SFRP1: variants seen among roughly 807,000 people sequenced by gnomAD.
SFRP1 encodes secreted frizzled-related protein 1.
Under a neutral mutation model 25.9 loss-of-function variants are expected in SFRP1, and 9 were observed. The ratio of observed to expected loss-of-function variants is 0.35; its 90% confidence interval spans 0.21 to 0.61. The LOEUF (loss-of-function observed/expected upper bound fraction) is 0.61. Among genes scored for constraint, SFRP1 ranks in the 20% least tolerant of loss-of-function variants. The pLI, the probability that SFRP1 is intolerant of heterozygous loss-of-function variation, is 0.78. For synonymous variants in SFRP1, 178 were observed against 174.0 expected (o/e 1.02, Z -0.18); for missense variants, 346 against 418.2 (o/e 0.83, Z 1.51).
intron 2 of SFRP1, among the ~76,000 whole-genome samples, chr8:41,300,812 C>T (rs1283467520): frequency 6.6e-6 from 1 of 152,226 alleles, no homozygotes; most frequent in Non-Finnish European, 1.5e-5. Flanking sequence ...AGCAGGCAGG[C>T]TGGTCGCCAT....
chr8:41,287,968 T>C (rs2117501801), intron 2 of SFRP1, among the ~76,000 whole-genome samples: 1 of 152,126 alleles, frequency 6.6e-6, no homozygotes, highest in Middle Eastern at 3.4e-3. Context: ...ATGCTGGACA[T>C]GGCAGCTCAT....
intron 1 of SFRP1, among the ~76,000 whole-genome samples, chr8:41,305,730 G>A (rs1803987445): frequency 1.3e-5 from 2 of 152,216 alleles, no homozygotes; most frequent in South Asian, 2.1e-4. Flanking sequence ...GTGTGTGGAG[G>A]AGACAGCCCA....
At chr8:41,274,333 T>C (rs1477665310) in intron 2 of SFRP1, among the ~76,000 whole-genome samples, 1 of 152,204 alleles carries the variant, frequency 6.6e-6, no homozygotes, top group Non-Finnish European at 1.5e-5. Context: ...AGCTTGGGGC[T>C]GAATTCATAA....
rs1803406808 is a variant in SFRP1 at position 41,264,193 on chromosome 8, G to A, written c.*974C>T. 1 of 152,166 alleles carries A rather than the reference G, an allele frequency of 6.6e-6. No individual in the cohort carries two copies. The highest frequency in any genetic ancestry group is 1.5e-5 in the Non-Finnish European group (1 of 68,040). The allele number at this position is 152,166 out of a possible 1,614,324, so 9.4% of individuals were successfully genotyped here. ...TTTTAAAACCTTGAAAAATAAGTGGGTGTTTGTCATTGTTCTTTTAAAAAT... is the reference window on the plus strand; with the variant it reads ...TTTTAAAACCTTGAAAAATAAGTGGATGTTTGTCATTGTTCTTTTAAAAAT... On this transcript the variant is annotated 3_prime_UTR_variant, in exon 3 of 3. Transcript: ENST00000220772.
At chr8:41,287,189 C>T (rs1256445705) in intron 2 of SFRP1, among the ~76,000 whole-genome samples, 1 of 152,192 alleles carries the variant, frequency 6.6e-6, no homozygotes, top group Non-Finnish European at 1.5e-5. Context: ...TTCCTGACAC[C>T]TGCAGTCCTA....
chr8:41,296,403 T>C lies in SFRP1; in HGVS notation c.622+7058A>G, dbSNP rs1022111611. ...AAACAAAGATTTCAAGCACAATCTA[T>C]AGGCCTTTGAGAAGCCTTCCAAAGC... On this transcript the variant is annotated intron_variant, in intron 2 of 2. Transcript: ENST00000220772. Among the ~76,000 whole-genome samples the C allele has an allele frequency of 2.6e-5, 4 of 151,974 alleles. No individual in the cohort carries two copies. In the East Asian group the frequency reaches 5.8e-4, roughly 22 times the overall value.
At chr8:41,269,330 G>A (rs928129099) in intron 2 of SFRP1, among the ~76,000 whole-genome samples, 1 of 152,042 alleles carries the variant, frequency 6.6e-6, no homozygotes, top group African/African-American at 2.4e-5. Context: ...CTCCCACCTA[G>A]GCATAGCTGC....
chr8:41,283,313 G>A (rs1285450370), intron 2 of SFRP1, among the ~76,000 whole-genome samples: 1 of 152,142 alleles, frequency 6.6e-6, no homozygotes, highest in African/African-American at 2.4e-5. Context: ...ATGGGAGTAG[G>A]ATGATCTTTA....
At position 41,265,136 on chromosome 8, in the gene SFRP1, A is replaced by T. The variant is rs1427017845; in HGVS notation, c.*31T>A. The stretch of plus-strand genomic sequence containing the variant: ...GTCCCCCCCGCTCCCACCCCACCCG[A>T]GGCTCCCTCCCCACCCTGCCCCCGG... On this transcript the variant is annotated 3_prime_UTR_variant, in exon 3 of 3. Transcript: ENST00000220772. 2.1e-5 allele frequency: 3 copies of T among 143,612 alleles called. No homozygotes were observed. The East Asian group carries it at 5.6e-4, about 27-fold the overall frequency. 8.9% of individuals were successfully genotyped at this position (143,612 alleles called of 1,614,324 possible).
intron 2 of SFRP1, among the ~76,000 whole-genome samples, chr8:41,285,812 G>A (rs11786592): frequency 0.3 from 45,670 of 152,066 alleles, 7,458 homozygotes; most frequent in Middle Eastern, 0.39. Flanking sequence ...CGAGCGGGAT[G>A]GAGGCTCCAC....
At position 41,297,629 on chromosome 8, in the gene SFRP1, G is replaced by A. The variant is rs146419067; in HGVS notation, c.622+5832C>T. Among the ~76,000 whole-genome samples, 271 of 152,126 alleles carry A rather than the reference G, an allele frequency of 1.8e-3. 4 individuals carry two copies. The highest frequency in any genetic ancestry group is 6.0e-3 in the African/African-American group (249 of 41,490). On this transcript the variant is annotated intron_variant, in intron 2 of 2. Transcript: ENST00000220772. ...AATCCAATTCTCCCAACACAGTCAC[G>A]TAGGAATTCTCATCCATAGTTTGCT...
intron 2 of SFRP1, among the ~76,000 whole-genome samples, chr8:41,301,997 TC>T (rs1373492241): frequency 6.6e-6 from 1 of 152,254 alleles, no homozygotes; most frequent in East Asian, 1.9e-4. Flanking sequence ...GCTTGCCTCT[TC>T]AGCCTATGTG....
chr8:41,294,264 C>T (rs771053160), intron 2 of SFRP1, among the ~76,000 whole-genome samples: 1 of 152,140 alleles, frequency 6.6e-6, no homozygotes, highest in African/African-American at 2.4e-5. Context: ...CTGGTGCCAC[C>T]GACATATAGT....
intron 2 of SFRP1, chr8:41,271,051 A>C (rs905863229): frequency 4.5e-5 from 7 of 154,156 alleles, no homozygotes. Context: ...TCTCTAAAGA[A>C]ACTATTAGGC....
chr8:41,304,368 G>T (rs1230394667), intron 1 of SFRP1, among the ~76,000 whole-genome samples: 3 of 152,228 alleles, frequency 2.0e-5, no homozygotes, highest in Non-Finnish European at 4.4e-5. Flanking sequence ...AGGACAGAGG[G>T]AGAGCAGGAC....
Position 41,265,142 on chromosome 8 carries a change from C to T in SFRP1, c.*25G>A. On this transcript the variant is annotated 3_prime_UTR_variant, in exon 3 of 3. Coordinates refer to ENST00000220772, the MANE Select transcript of SFRP1 (RefSeq NM_003012.5). ...CCCGCTCCCACCCCACCCGAGGCTC[C>T]CTCCCCACCCTGCCCCCGGGAGAAT... 2 of 606,380 alleles carry T rather than the reference C, an allele frequency of 3.3e-6. No individual in the cohort carries two copies. The highest frequency in any genetic ancestry group is 1.7e-5 in the South Asian group (1 of 58,112). 37.6% of individuals were successfully genotyped at this position (606,380 alleles called of 1,614,324 possible).
At chr8:41,273,036 C>T (rs1250882437) in intron 2 of SFRP1, among the ~76,000 whole-genome samples, 1 of 152,184 alleles carries the variant, frequency 6.6e-6, no homozygotes. Context: ...TTAAAATTGC[C>T]AAATTTGATA....
chr8:41,265,328 C>T lies in SFRP1; in HGVS notation c.784G>A (p.Asp262Asn). 6.2e-7 allele frequency: 1 copy of T among 1,614,092 alleles called. No individual in the cohort carries two copies. Among genetic ancestry groups the T allele is most frequent in the Non-Finnish European group, 8.5e-7 (1 of 1,180,022 alleles). ...ATGAGGAAGTGGTGGCTGAGGTTGT[C>T]CAGCTGGTGGCAGGGACAGTCAGCC... ...NGADCPCHQL[D>N]NLSHHFLIMG... The change falls in exon 3 of 3, where the codon GAC (aspartate) becomes AAC (asparagine). Residue 262 changes from aspartate to asparagine, a missense_variant. Physicochemically the swap from Asp to Asn is conservative, Grantham distance 23. Coordinates refer to ENST00000220772, the MANE Select transcript of SFRP1 (RefSeq NM_003012.5).
In SFRP1 at chr8:41,309,260, C is replaced by A. The variant is rs1377765050; in HGVS notation, c.-101G>T. 2 of 1,212,804 alleles carry A rather than the reference C, an allele frequency of 1.6e-6. No homozygotes were observed. The highest frequency in any genetic ancestry group is 2.1e-6 in the Non-Finnish European group (2 of 971,022). The allele number at this position is 1,212,804 out of a possible 1,614,324, so 75.1% of individuals were successfully genotyped here. A position where few individuals can be genotyped will look rare whatever the true frequency, so the allele number is the denominator to read the frequency against. On this transcript the variant is annotated 5_prime_UTR_variant, in exon 1 of 3. Transcript: ENST00000220772. ...TCCAGGGACCTCCGGGGACAAAAGG[C>A]GCAGTCCCCAGCGTTGCCCGGCTCC...
Sources: allele counts gnomAD v4.1 joint callset (sites outside exome capture counted in the v4.1 genomes callset), GRCh38; gene constraint gnomAD v4.1.1; transcripts MANE v1.5; gene names NCBI Gene and HGNC (gene_info 2026-07-23, HGNC 2026-07-21).